Variants in ANKHD1 observed in about 807,000 individuals in gnomAD.
ANKHD1 encodes the protein ankyrin repeat and KH domain-containing protein 1.
A neutral mutation model predicts 230.5 loss-of-function variants in ANKHD1; 31 were observed. The observed-to-expected ratio is 0.13, with a 90% confidence interval of 0.10 to 0.18. ANKHD1 has a LOEUF of 0.18. Ranked by LOEUF, ANKHD1 falls within the 10% of genes least tolerant of loss-of-function variation. The probability of loss-of-function intolerance (pLI) is 1.00; values close to 1 mark genes in which losing one functional copy is unlikely to be tolerated. For synonymous variants in ANKHD1, 1,074 were observed against 1,117.6 expected, an observed-to-expected ratio of 0.96 and a Z score of 0.78; for missense variants, 2,256 against 3,071.3, an observed-to-expected ratio of 0.73 and a Z score of 6.27.
intron 1 of ANKHD1, among the ~76,000 whole-genome samples, chr5:140,428,774 CTTTTTATTTTTA>C (rs952282579): frequency 1.3e-5 from 2 of 151,918 alleles, no homozygotes; most frequent in Non-Finnish European, 2.9e-5. Context: ...CTAGAATATT[CTTTTTATTTTTA>C]TTTTTATTTT....
chr5:140,503,541 T>G (rs1752395337), intron 15 of ANKHD1, among the ~76,000 whole-genome samples: 1 of 142,008 alleles, frequency 7.0e-6, no homozygotes, highest in South Asian at 2.3e-4. Context: ...TTCTTTTAAC[T>G]CAGTTTTCTT....
chr5:140,471,043 T>C (rs1405557248), intron 10 of ANKHD1, among the ~76,000 whole-genome samples: 3 of 152,162 alleles, frequency 2.0e-5, no homozygotes, highest in Admixed American at 6.5e-5. Context: ...ATTTGCAGAA[T>C]ACATACCCAT....
intron 1 of ANKHD1, among the ~76,000 whole-genome samples, chr5:140,407,852 A>ATG (rs1273868718): frequency 6.6e-6 from 1 of 151,770 alleles, no homozygotes. Context: ...TTGTGTGTGT[A>ATG]TGTGTGTGTG....
chr5:140,464,837 A>G lies in ANKHD1; in HGVS notation c.1782+61A>G, dbSNP rs544855098. ...ATGTTAATATCCATTTATACTTAAC[A>G]TTTAGAAAACACTAAAGATCAATGG... On this transcript the variant is annotated intron_variant, in intron 10 of 33. Transcript: ENST00000360839. 126 of 1,468,012 alleles carry G rather than the reference A, an allele frequency of 8.6e-5. No homozygotes were observed. In the African/African-American group the frequency reaches 1.1e-3, roughly 12 times the overall value. 90.9% of individuals were successfully genotyped at this position (1,468,012 alleles called of 1,614,324 possible).
chr5:140,441,755 A>G (rs1773864240), intron 5 of ANKHD1, among the ~76,000 whole-genome samples: 1 of 152,136 alleles, frequency 6.6e-6, no homozygotes, highest in Non-Finnish European at 1.5e-5. Flanking sequence ...CTAAATGAGT[A>G]GATTATGCTG....
At position 140,439,811 on chromosome 5, in the gene ANKHD1, G is replaced by A. The variant is rs116344365; in HGVS notation, c.618-308G>A. Among the ~76,000 whole-genome samples, 676 of 152,228 alleles carry A rather than the reference G, an allele frequency of 4.4e-3. 5 individuals carry two copies. Among genetic ancestry groups the A allele is most frequent in the African/African-American group, 0.015 (615 of 41,542 alleles). On this transcript the variant is annotated intron_variant, in intron 3 of 33. Transcript: ENST00000360839. ...GTTGCTTTCAAAGCTGTCCTGGGCC[G>A]TGGGTTGGACATGCTTGGTCTAATG...
intron 29 of ANKHD1, among the ~76,000 whole-genome samples, chr5:140,530,522 A>G (rs917516515): frequency 6.6e-6 from 1 of 152,142 alleles, no homozygotes; most frequent in Non-Finnish European, 1.5e-5. Context: ...GCCTAGATAC[A>G]GCTATTTGAA....
In ANKHD1 at chr5:140,506,803, ACT is replaced by A; in HGVS notation, c.3409-27_3409-26del. The A allele has an allele frequency of 1.2e-6, 2 of 1,609,964 alleles. No individual in the cohort carries two copies. The highest frequency in any genetic ancestry group is 1.7e-6 in the Non-Finnish European group (2 of 1,178,962). ...ATTATAAGTTGAGCCCTTGGTGTAA[ACT>A]CTCTTCTCTATCCATATTTTACTTT... is the stretch of plus-strand genomic sequence containing the variant. On this transcript the variant is annotated intron_variant, in intron 18 of 33. Transcript: ENST00000360839. This position sits in a 1 kb window ranked among gnomAD's most constrained non-coding sequence, Gnocchi z 4.7.
intron 11 of ANKHD1, among the ~76,000 whole-genome samples, chr5:140,483,763 T>A (rs1226387303): frequency 6.6e-6 from 1 of 152,198 alleles, no homozygotes; most frequent in African/African-American, 2.4e-5. Context: ...TGGCCAGATT[T>A]TATCCTTTTA....
Position 140,441,035 on chromosome 5 carries a change from A to G in ANKHD1, c.806A>G (p.Asn269Ser). 1.2e-6 allele frequency: 2 copies of G among 1,611,864 alleles called. No homozygotes were observed. Among genetic ancestry groups the G allele is most frequent in the Non-Finnish European group, 1.7e-6 (2 of 1,179,218 alleles). Reference protein sequence around the residue: ...AMHANVEDRGNKGDITPLMAA... With the variant: ...AMHANVEDRGSKGDITPLMAA... ...CATGCTAATGTTGAAGATCGAGGGA[A>G]TAAAGGAGACATAACTCCCCTGATG... is the stretch of plus-strand genomic sequence containing the variant. The change falls in exon 5 of 34, where the codon AAT becomes AGT. Residue 269 changes from asparagine (N) to serine (S), a missense_variant. Around this residue, in one of 13 missense-constraint regions of ANKHD1, gnomAD observed 206 missense variants for 304.5 expected, o/e 0.68. Transcript: ENST00000360839.
intron 24 of ANKHD1, among the ~76,000 whole-genome samples, chr5:140,523,763 G>A (rs1753474621): frequency 6.6e-6 from 1 of 152,032 alleles, no homozygotes; most frequent in Non-Finnish European, 1.5e-5. Flanking sequence ...GTTTCGCCAT[G>A]TTGGCTACAT....
At chr5:140,428,971 A>G (rs1772792395) in intron 1 of ANKHD1, among the ~76,000 whole-genome samples, 1 of 151,364 alleles carries the variant, frequency 6.6e-6, no homozygotes, top group Non-Finnish European at 1.5e-5. Context: ...TTTTTAGTAG[A>G]GACAGGGTTT....
At chr5:140,439,053 A>C (rs1773657528) in intron 3 of ANKHD1, among the ~76,000 whole-genome samples, 1 of 152,174 alleles carries the variant, frequency 6.6e-6, no homozygotes, top group African/African-American at 2.4e-5. Flanking sequence ...AGAGCTTGTG[A>C]GAAATGCAGA....
At chr5:140,513,531 G>T (rs113375735) in intron 24 of ANKHD1, 52 bp downstream of exon 24, 1 of 1,569,436 alleles carries the variant, frequency 6.4e-7, no homozygotes, top group Non-Finnish European at 8.7e-7. Flanking sequence ...GGTGGGGGCC[G>T]GGCACGGTGG....
chr5:140,499,031 G>A (rs1213532735), intron 15 of ANKHD1, among the ~76,000 whole-genome samples: 2 of 151,932 alleles, frequency 1.3e-5, no homozygotes, highest in Non-Finnish European at 2.9e-5. Context: ...AATTTAATTT[G>A]TGTTAGACAT....
intron 5 of ANKHD1, among the ~76,000 whole-genome samples, chr5:140,441,530 G>A (rs1581250267): frequency 6.6e-6 from 1 of 151,954 alleles, no homozygotes; most frequent in African/African-American, 2.4e-5. Context: ...ATGGACATAG[G>A]TATGCATGAT....
At chr5:140,448,158 C>A (rs1245246222) in intron 6 of ANKHD1, among the ~76,000 whole-genome samples, 3 of 152,086 alleles carry the variant, frequency 2.0e-5, no homozygotes, top group Non-Finnish European at 4.4e-5. Context: ...TATGATCATG[C>A]CACTGGACTA....
intron 7 of ANKHD1, among the ~76,000 whole-genome samples, chr5:140,452,068 A>G (rs1774784611): frequency 6.6e-6 from 1 of 152,092 alleles, no homozygotes; most frequent in Non-Finnish European, 1.5e-5. Flanking sequence ...ACACCAGGAG[A>G]TTATATCCCG....
Position 140,524,093 on chromosome 5 carries a change from C to G in ANKHD1, c.4345C>G (p.Leu1449Val). The change falls in exon 25 of 34, where the codon CTT becomes GTT. Residue 1449 changes from leucine to valine, a missense_variant. Leu to Val is a conservative substitution (Grantham distance 32). Transcript: ENST00000360839. The stretch of plus-strand genomic sequence containing the variant: ...AAGAGAAGAGAGCAGAAAGCAGGCT[C>G]TTGCTGCTAAAAGAGAAAAAAGAAA... ...KSREESRKQA[L>V]AAKREKRKEK... The G allele has an allele frequency of 6.3e-7, 1 of 1,588,368 alleles. No homozygotes were observed.
Sources: gnomAD v4.1 joint callset for allele counts (sites outside exome capture counted in the v4.1 genomes callset) on GRCh38, gnomAD v4.1.1 for gene constraint, gnomAD v4.1.1 regional missense constraint, Gnocchi (gnomAD v3.1) non-coding constraint, MANE v1.5 for transcripts, NCBI Gene and HGNC (gene_info 2026-07-23, HGNC 2026-07-21) for gene names.